Variants in AHRR observed in about 807,000 individuals in gnomAD.
The protein encoded by AHRR is aryl hydrocarbon receptor repressor.
A neutral mutation model predicts 44.0 loss-of-function variants in AHRR; 28 were observed. The ratio of observed to expected loss-of-function variants is 0.64; its 90% confidence interval spans 0.47 to 0.87. AHRR has a LOEUF of 0.87. Among genes scored for constraint, AHRR ranks in the 40% least tolerant of loss-of-function variants. The pLI is 0.00. For missense variants in AHRR, 990 were observed against 953.9 expected (o/e 1.04, Z -0.50); for synonymous variants, 434 against 407.0 (o/e 1.07, Z -0.80).
intron 5 of AHRR, 161 bp from the exon 6 acceptor site, chr5:422,568 G>C: frequency 1.1e-6 from 1 of 922,476 alleles, no homozygotes; most frequent in Non-Finnish European, 1.7e-6. Context: ...GGAGGGAGTG[G>C]GGAACCGGGG....
At chr5:428,894 C>A (rs1170022423) in intron 8 of AHRR, among the ~76,000 whole-genome samples, 1 of 151,928 alleles carries the variant, frequency 6.6e-6, no homozygotes, top group East Asian at 1.9e-4. Flanking sequence ...GAGAATCATG[C>A]CCCAGCTGAG....
In AHRR at chr5:397,031, G is replaced by A. The variant is rs560405496; in HGVS notation, c.352-16313G>A. Among the ~76,000 whole-genome samples the A allele has an allele frequency of 2.2e-5, 3 of 136,416 alleles. No homozygotes were observed. In the South Asian group the frequency reaches 6.5e-4, roughly 30 times the overall value. The allele number at this position is 136,416 out of a possible 152,430, so 89.5% of individuals were successfully genotyped here. On this transcript the variant is annotated intron_variant, in intron 4 of 10. Transcript: ENST00000684583. Reference sequence around the variant, plus strand: ...ACGTTAGCCCCTGACCATCCATGTAGCCCCTGACCATCCATGTTAGCCCCT... The same window carrying A: ...ACGTTAGCCCCTGACCATCCATGTAACCCCTGACCATCCATGTTAGCCCCT...
At chr5:330,978 G>T (rs572693364) in intron 1 of AHRR, among the ~76,000 whole-genome samples, 1 of 148,416 alleles carries the variant, frequency 6.7e-6, no homozygotes, top group East Asian at 2.0e-4. Flanking sequence ...CCGGGTTCAT[G>T]CCGTTCTCCT....
intron 8 of AHRR, among the ~76,000 whole-genome samples, chr5:431,328 C>T (rs1457697236): frequency 1.3e-5 from 2 of 152,234 alleles, no homozygotes; most frequent in Admixed American, 6.5e-5. Context: ...AGCTGGCACA[C>T]AACTTCAGCT....
chr5:365,917 C>G (rs965068100), intron 3 of AHRR, among the ~76,000 whole-genome samples: 8 of 151,964 alleles, frequency 5.3e-5, no homozygotes, highest in African/African-American at 1.9e-4. Context: ...CAATTTCTAC[C>G]AAATAGTAAA....
At chr5:427,641 G>T (rs774728565) in intron 7 of AHRR, 166 bp from the exon 8 acceptor site, 1 of 1,613,230 alleles carries the variant, frequency 6.2e-7, no homozygotes, top group Admixed American at 1.7e-5. Flanking sequence ...CTGCAGGCCC[G>T]GGGGTCACAG....
At position 326,329 on chromosome 5, in the gene AHRR, A is replaced by T. The variant is rs1031916317; in HGVS notation, c.-11+4510A>T. Among the ~76,000 whole-genome samples the T allele has an allele frequency of 2.0e-5, 3 of 152,166 alleles. No homozygotes were observed. Among genetic ancestry groups the T allele is most frequent in the African/African-American group, 7.2e-5 (3 of 41,432 alleles). ...TTGCCTACTCAGGATATATCATGCA[A>T]TGGGGTCAGTGTGTGTCCTTCTGTG... On this transcript the variant is annotated intron_variant, in intron 1 of 10. Transcript: ENST00000684583. The surrounding 1 kb of genome is among the most constrained non-coding windows in gnomAD (Gnocchi z 4.1).
In AHRR at chr5:395,330, G is replaced by A. The variant is rs923863311; in HGVS notation, c.352-18014G>A. 4.6e-5 allele frequency among the ~76,000 whole-genome samples: 7 copies of A among 152,306 alleles called. No individual in the cohort carries two copies. The highest frequency in any genetic ancestry group is 2.1e-4 in the South Asian group (1 of 4,826). On this transcript the variant is annotated intron_variant, in intron 4 of 10. Coordinates refer to ENST00000684583, the MANE Select transcript of AHRR (RefSeq NM_001377236.1). This position sits in a 1 kb window ranked among gnomAD's most constrained non-coding sequence, Gnocchi z 5.3. ...GGTGGTGGGATGCAGTTAGCTGAACGCCAGGCTGAGCAGGGTCCGAAAATT... is the reference window on the plus strand; with the variant it reads ...GGTGGTGGGATGCAGTTAGCTGAACACCAGGCTGAGCAGGGTCCGAAAATT...
intron 7 of AHRR, among the ~76,000 whole-genome samples, chr5:426,220 G>A (rs904217128): frequency 5.9e-5 from 9 of 152,214 alleles, no homozygotes; most frequent in African/African-American, 2.2e-4. Flanking sequence ...ATGGATGAAT[G>A]GATGAATGGA....
chr5:343,085 A>C (rs1742399189), intron 1 of AHRR, among the ~76,000 whole-genome samples: 2 of 152,186 alleles, frequency 1.3e-5, no homozygotes, highest in Non-Finnish European at 2.9e-5. Context: ...CACAAACCGC[A>C]CAGGGAGATC....
intron 4 of AHRR, among the ~76,000 whole-genome samples, chr5:390,064 C>T (rs185343157): frequency 7.2e-4 from 109 of 151,378 alleles, no homozygotes; most frequent in African/African-American, 2.6e-3. Flanking sequence ...ATGCGCGGGA[C>T]GAAGAAAAGA....
rs1742205358 is a variant in AHRR, at chr5:338,094, C to T, written c.-10-5799C>T. Among the ~76,000 whole-genome samples, 1 of 152,212 alleles carries T rather than the reference C, an allele frequency of 6.6e-6. No individual in the cohort carries two copies. Among genetic ancestry groups the T allele is most frequent in the African/African-American group, 2.4e-5 (1 of 41,440 alleles). On this transcript the variant is annotated intron_variant, in intron 1 of 10. Coordinates refer to ENST00000684583, the MANE Select transcript of AHRR (RefSeq NM_001377236.1). This position sits in a 1 kb window ranked among gnomAD's most constrained non-coding sequence, Gnocchi z 4.1. ...CTCACTTTGCGAATACATGTCTCCC[C>T]TCCCGGGTCTGTGTAGCCGCCATAT... is the stretch of plus-strand genomic sequence containing the variant.
chr5:424,871 G>C (rs965923574), intron 7 of AHRR, among the ~76,000 whole-genome samples: 2 of 152,204 alleles, frequency 1.3e-5, no homozygotes, highest in Non-Finnish European at 2.9e-5. Context: ...GGACATGTCA[G>C]GGCAAAGGCC....
Position 434,575 on chromosome 5 carries a change from A to G in AHRR, c.1835A>G (p.His612Arg). ...CGCAGCAGGGAGCTGACCCCTTTCC[A>G]CCCTGCACACTGTGCCTGCCTGGAG... ...AGRSRELTPF[H>R]PAHCACLEPT... Residue 612 changes from histidine to arginine, a missense_variant, in exon 11 of 11, where the codon CAC becomes CGC. Physicochemically the swap from His to Arg is conservative, Grantham distance 29. Coordinates refer to ENST00000684583, the MANE Select transcript of AHRR (RefSeq NM_001377236.1). 21 of 1,581,264 alleles carry G rather than the reference A, an allele frequency of 1.3e-5. No homozygotes were observed. Among genetic ancestry groups the G allele is most frequent in the Non-Finnish European group, 1.8e-5 (21 of 1,164,050 alleles).
intron 5 of AHRR, among the ~76,000 whole-genome samples, chr5:420,363 G>T (rs927364600): frequency 2.6e-5 from 4 of 152,238 alleles, no homozygotes; most frequent in Non-Finnish European, 5.9e-5. Flanking sequence ...AGTCAAGGGA[G>T]AAAGAAGGAG....
At position 433,713 on chromosome 5, in the gene AHRR, C is replaced by T. The variant is rs10454927; in HGVS notation, c.1113-140C>T. ...CTGCTGGGGGGGTTAGAAGGCACAG[C>T]GCAGTGAGGGGTCGGTGTAGCAGCC... On this transcript the variant is annotated intron_variant, in intron 10 of 10. Transcript: ENST00000684583. 1.6e-4 allele frequency: 159 copies of T among 1,016,324 alleles called. No individual in the cohort carries two copies. In the African/African-American group the frequency reaches 2.3e-3, roughly 15 times the overall value. 63.0% of individuals were successfully genotyped at this position (1,016,324 alleles called of 1,614,324 possible).
chr5:421,202 C>G (rs961915868), intron 5 of AHRR: 2 of 665,078 alleles, frequency 3.0e-6, no homozygotes, highest in Admixed American at 4.4e-5. Context: ...GAGGCCCTTG[C>G]GGACCCAGCG....
chr5:424,037 G>A (rs1213040947), intron 7 of AHRR, 60 bp downstream of exon 7: 1 of 1,559,146 alleles, frequency 6.4e-7, no homozygotes, highest in Non-Finnish European at 8.6e-7. Context: ...CTACCCTGGT[G>A]TGGAAGGAAA....
intron 8 of AHRR, 123 bp downstream of exon 8, chr5:428,129 T>A: frequency 8.4e-7 from 1 of 1,185,350 alleles, no homozygotes; most frequent in East Asian, 2.6e-5. Context: ...GTCAGTTTCG[T>A]GTCGTAAAAG....
Sources: gnomAD v4.1 joint callset for allele counts (sites outside exome capture counted in the v4.1 genomes callset) on GRCh38, gnomAD v4.1.1 for gene constraint, Gnocchi (gnomAD v3.1) non-coding constraint, MANE v1.5 for transcripts, NCBI Gene and HGNC (gene_info 2026-07-23, HGNC 2026-07-21) for gene names.